CCDC47: variants seen among roughly 807,000 people sequenced by gnomAD.
The protein encoded by CCDC47 is coiled-coil domain containing 47.
In CCDC47, 41 loss-of-function variants were observed where a neutral mutation model predicts 60.5. That is an observed-to-expected ratio of 0.68 (90% confidence interval 0.53 to 0.88). The LOEUF (loss-of-function observed/expected upper bound fraction) is 0.88. Ranked by LOEUF, CCDC47 falls within the 40% of genes least tolerant of loss-of-function variation. The pLI, the probability that CCDC47 is intolerant of heterozygous loss-of-function variation, is 0.00. For missense variants in CCDC47, 513 were observed against 580.9 expected, an observed-to-expected ratio of 0.88 and a Z score of 1.20; for synonymous variants, 195 against 190.7, an observed-to-expected ratio of 1.02 and a Z score of -0.18.
At chr17:63,747,755 A>G in intron 12 of CCDC47, 1 of 985,374 alleles carries the variant, frequency 1.0e-6, no homozygotes, top group Non-Finnish European at 1.2e-6. Flanking sequence ...GAAGAAAAGA[A>G]GAAGTGCAAA....
At chr17:63,768,647 T>A (rs577469691) in intron 1 of CCDC47, among the ~76,000 whole-genome samples, 100 of 152,242 alleles carry the variant, frequency 6.6e-4, no homozygotes, top group Non-Finnish European at 8.7e-4. Context: ...TGAACTGTGA[T>A]CATGCTAATG....
chr17:63,754,575 T>A, intron 8 of CCDC47, 57 bp from the exon 9 acceptor site: 1 of 1,128,814 alleles, frequency 8.9e-7, no homozygotes, highest in Non-Finnish European at 1.3e-6. Flanking sequence ...TTCCCTTTTT[T>A]TCCTAAAGAT....
chr17:63,761,387 A>T, intron 4 of CCDC47, 36 bp from the exon 5 acceptor site: 1 of 1,612,642 alleles, frequency 6.2e-7, no homozygotes. Context: ...CTCAACAGAA[A>T]ATGTCAAGGC....
At chr17:63,748,493 C>T (rs183074107) in intron 12 of CCDC47, among the ~76,000 whole-genome samples, 1 of 152,116 alleles carries the variant, frequency 6.6e-6, no homozygotes, top group East Asian at 1.9e-4. Flanking sequence ...GGCGCAATCC[C>T]GACTCACTGC....
intron 9 of CCDC47, chr17:63,753,123 T>G (rs577118306): frequency 1.8e-4 from 68 of 382,808 alleles, no homozygotes; most frequent in African/African-American, 1.5e-3. Flanking sequence ...TTTAGATACA[T>G]TTTTGCTTAT....
chr17:63,752,015 C>G lies in CCDC47; in HGVS notation c.1296G>C (p.Arg432=). The change falls in exon 12 of 13, where the codon CGG becomes CGC. Residue 432 remains arginine, a synonymous_variant. Transcript: ENST00000225726. ...TCTCTGCTCTTTTTTTCTCCTCCCG[C>G]CGAGACTGTGCTGCTTCCTGTCTTT... ...HVQRQEAAQS[R]REEKKRAEKE... 6.2e-7 allele frequency: 1 copy of G among 1,613,780 alleles called. No homozygotes were observed. Among genetic ancestry groups the G allele is most frequent in the Non-Finnish European group, 8.5e-7 (1 of 1,180,024 alleles).
chr17:63,753,457 C>T (rs1337295723), intron 9 of CCDC47, among the ~76,000 whole-genome samples: 3 of 152,174 alleles, frequency 2.0e-5, no homozygotes, highest in African/African-American at 7.2e-5. Context: ...TCTTAGTATA[C>T]AACTAAAATC....
rs199924201 is a variant in CCDC47, at chr17:63,747,401, TTTC to T, written c.1372-443_1372-441del. The T allele has an allele frequency of 1.4e-3, 1,334 of 984,780 alleles. 13 individuals carry two copies. The African/African-American group carries it at 0.022, about 16-fold the overall frequency. 61.0% of individuals were successfully genotyped at this position (984,780 alleles called of 1,614,324 possible). ...GTTCCATCAGGTTATTCATTGCAAATTTCTTATTAGCACAGACACCATACCTGC... is the reference window on the plus strand; with the variant it reads ...GTTCCATCAGGTTATTCATTGCAAATTTATTAGCACAGACACCATACCTGC... On this transcript the variant is annotated intron_variant, in intron 12 of 12. Transcript: ENST00000225726.
intron 9 of CCDC47, among the ~76,000 whole-genome samples, chr17:63,753,896 A>T (rs2039185263): frequency 6.6e-6 from 1 of 152,168 alleles, no homozygotes; most frequent in Non-Finnish European, 1.5e-5. Context: ...TCACGAGGTC[A>T]GGAGTTCGAG....
chr17:63,767,619 T>C (rs974630673), intron 1 of CCDC47, among the ~76,000 whole-genome samples: 16 of 152,198 alleles, frequency 1.1e-4, no homozygotes, highest in African/African-American at 3.6e-4. Flanking sequence ...CATATCTGTT[T>C]TGACGCCCTA....
At chr17:63,760,577 G>C (rs1034012390) in intron 6 of CCDC47, among the ~76,000 whole-genome samples, 1 of 152,204 alleles carries the variant, frequency 6.6e-6, no homozygotes, top group Admixed American at 6.5e-5. Context: ...GATGGCTCAC[G>C]TCTATAATCC....
At chr17:63,752,245 AT>A in intron 11 of CCDC47, 74 bp downstream of exon 11, 1 of 1,413,326 alleles carries the variant, frequency 7.1e-7, no homozygotes. Context: ...CACTGAAATC[AT>A]TGATAGCTGC....
intron 3 of CCDC47, 111 bp downstream of exon 3, chr17:63,764,629 T>C: frequency 2.2e-6 from 2 of 889,542 alleles, no homozygotes; most frequent in Non-Finnish European, 3.3e-6. Flanking sequence ...AAGCTCCTTC[T>C]CAGCTCCCAC....
intron 6 of CCDC47, among the ~76,000 whole-genome samples, chr17:63,757,279 G>C (rs2039214917): frequency 6.6e-6 from 1 of 151,476 alleles, no homozygotes; most frequent in Non-Finnish European, 1.5e-5. Flanking sequence ...GGCTGAGGCA[G>C]GAGGATCGAT....
intron 1 of CCDC47, among the ~76,000 whole-genome samples, chr17:63,771,431 G>A (rs1315861253): frequency 6.6e-6 from 1 of 152,074 alleles, no homozygotes; most frequent in African/African-American, 2.4e-5. Flanking sequence ...TATCAAGGGA[G>A]AACTAAACAT....
At chr17:63,756,437 A>G (rs1477959156) in intron 7 of CCDC47, 32 bp downstream of exon 7, 1 of 1,584,836 alleles carries the variant, frequency 6.3e-7, no homozygotes, top group East Asian at 2.2e-5. Context: ...ACACAGTTCT[A>G]CGTATATTTG....
At chr17:63,772,917 G>A (rs1393145680) in intron 1 of CCDC47, 1 of 152,220 alleles carries the variant, frequency 6.6e-6, no homozygotes, top group East Asian at 1.9e-4. Flanking sequence ...TAACAAGTCT[G>A]GTTTGATTAT....
Position 63,754,380 on chromosome 17 carries a change from A to G in CCDC47, c.1034+53T>C, listed in dbSNP as rs183335760. On this transcript the variant is annotated intron_variant, in intron 9 of 12. Coordinates refer to ENST00000225726, the MANE Select transcript of CCDC47 (RefSeq NM_020198.3). ...GCAGAAGCACCTTACAGGTGTTTCA[A>G]CACAGAAAGCTAGTGAGGAAAATTA... The G allele has an allele frequency of 4.1e-4, 463 of 1,135,140 alleles. 3 individuals carry two copies. In the East Asian group the frequency reaches 0.01, roughly 25 times the overall value. 70.3% of individuals were successfully genotyped at this position (1,135,140 alleles called of 1,614,324 possible).
In CCDC47 at chr17:63,751,748, A is replaced by G; in HGVS notation, c.1371+192T>C. The G allele has an allele frequency of 4.6e-6, 3 of 658,836 alleles. No homozygotes were observed. In the South Asian group the frequency reaches 5.2e-5, roughly 12 times the overall value. 40.8% of individuals were successfully genotyped at this position (658,836 alleles called of 1,614,324 possible). On this transcript the variant is annotated intron_variant, in intron 12 of 12. Transcript: ENST00000225726. ...AATACTGATAATTTTTCACGTTCACAGACTCAGTGTGGCACGGCTTGAACA... is the reference window on the plus strand; with the variant it reads ...AATACTGATAATTTTTCACGTTCACGGACTCAGTGTGGCACGGCTTGAACA...
Sources: allele counts gnomAD v4.1 joint callset (sites outside exome capture counted in the v4.1 genomes callset), GRCh38; gene constraint gnomAD v4.1.1; transcripts MANE v1.5; gene names NCBI Gene and HGNC (gene_info 2026-07-23, HGNC 2026-07-21).